SYNPO: variants seen among roughly 807,000 people sequenced by gnomAD.
SYNPO encodes synaptopodin.
SYNPO carries 19 observed loss-of-function variants against 49.5 expected under a neutral mutation model. The observed-to-expected ratio is 0.38, with a 90% confidence interval of 0.27 to 0.56. The LOEUF (loss-of-function observed/expected upper bound fraction) is 0.56, where lower values mean the gene tolerates loss of function less well. Ranked by LOEUF, SYNPO falls within the 20% of genes least tolerant of loss-of-function variation. The pLI is 0.68. For synonymous variants in SYNPO, 536 were observed against 548.0 expected, an observed-to-expected ratio of 0.98 and a Z score of 0.31; for missense variants, 1,131 against 1,248.3, an observed-to-expected ratio of 0.91 and a Z score of 1.42.
At chr5:150,652,448 AGT>A in intron 2 of SYNPO, 1 of 976,712 alleles carries the variant, frequency 1.0e-6, no homozygotes, top group Non-Finnish European at 1.2e-6. Flanking sequence ...TGTGTGTGAA[AGT>A]GTGGCTGTGT....
upstream of SYNPO, among the ~76,000 whole-genome samples, chr5:150,639,321 TC>T (rs1409320315): frequency 6.6e-6 from 1 of 152,224 alleles, no homozygotes; most frequent in African/African-American, 2.4e-5. Context: ...CCAGCCTCCT[TC>T]CCCTGGGTTT....
upstream of SYNPO, among the ~76,000 whole-genome samples, chr5:150,636,351 C>T (rs1002628579): frequency 1.3e-5 from 2 of 152,074 alleles, no homozygotes; most frequent in African/African-American, 2.4e-5. Flanking sequence ...ATCAAGGTAC[C>T]ACCTAAAATC....
intron 1 of SYNPO, among the ~76,000 whole-genome samples, chr5:150,643,530 G>T (rs368061115): frequency 6.6e-6 from 1 of 152,104 alleles, no homozygotes; most frequent in Non-Finnish European, 1.5e-5. Flanking sequence ...GAATGAAAGA[G>T]AAAACTTTTT....
rs763653110 is a variant in SYNPO, at chr5:150,649,781, G to A, written c.1506G>A (p.Thr502=). The change falls in exon 2 of 3, where the codon ACG becomes ACA. Residue 502 remains threonine, a synonymous_variant. Transcript: ENST00000307662. ...EKYVIESSSH[T]PELARCPSPT... ...ATGTCATCGAGTCTTCAAGCCACAC[G>A]CCAGAGCTGGCCCGCTGCCCATCAC... is the stretch of plus-strand genomic sequence containing the variant. The A allele has an allele frequency of 1.2e-5, 20 of 1,612,128 alleles. No homozygotes were observed. The East Asian group carries it at 2.9e-4, about 23-fold the overall frequency.
upstream of SYNPO, among the ~76,000 whole-genome samples, chr5:150,638,014 C>G (rs1419705277): frequency 6.6e-6 from 1 of 151,766 alleles, no homozygotes; most frequent in Admixed American, 6.6e-5. Flanking sequence ...CACCCCTGGC[C>G]TCTGGGCAAG....
chr5:150,603,721 A>T (rs1756613722), intron 1 of SYNPO, among the ~76,000 whole-genome samples: 1 of 152,150 alleles, frequency 6.6e-6, no homozygotes, highest in Non-Finnish European at 1.5e-5. Context: ...TGAGGCAGAG[A>T]TGCAGAGGAA....
chr5:150,599,425 G>A (rs577358511), upstream of SYNPO, among the ~76,000 whole-genome samples: 7 of 152,342 alleles, frequency 4.6e-5, no homozygotes, highest in East Asian at 1.2e-3. Context: ...ACACCCAGTG[G>A]TATGCGGTGC....
exon 2 of SYNPO, chr5:150,618,654 G>A: frequency 1.9e-6 from 3 of 1,551,294 alleles, no homozygotes; most frequent in South Asian, 2.4e-5. Flanking sequence ...GAGGAACAAG[G>A]GGCGTCCCAG....
chr5:150,620,691 A>G (rs908068913), intron 2 of SYNPO, among the ~76,000 whole-genome samples: 2 of 152,216 alleles, frequency 1.3e-5, no homozygotes, highest in African/African-American at 4.8e-5. Context: ...ACACCAAGCC[A>G]GTTCATTTGA....
At chr5:150,639,839 C>A (rs189644810), upstream of SYNPO, among the ~76,000 whole-genome samples, 10 of 152,312 alleles carry the variant, frequency 6.6e-5, no homozygotes, top group East Asian at 1.9e-3. Context: ...CAGTAGAGGC[C>A]CCTGCCCTCG....
intron 1 of SYNPO, among the ~76,000 whole-genome samples, chr5:150,603,234 G>A (rs1309034998): frequency 1.3e-5 from 2 of 152,244 alleles, no homozygotes; most frequent in East Asian, 1.9e-4. Context: ...CACCAGGATG[G>A]GTGGGTAGGC....
At chr5:150,600,946 T>G (rs1271274248), upstream of SYNPO, 1 of 152,108 alleles carries the variant, frequency 6.6e-6, no homozygotes, top group East Asian at 1.9e-4. Context: ...TCAGTATGTA[T>G]GAAATATCCC....
At chr5:150,601,662 C>T (rs1392936733) in intron 1 of SYNPO, among the ~76,000 whole-genome samples, 1 of 152,178 alleles carries the variant, frequency 6.6e-6, no homozygotes, top group Admixed American at 6.5e-5. Context: ...CTCCTGTGGC[C>T]TAAGTCCTGG....
chr5:150,621,031 C>T (rs1242812036), intron 2 of SYNPO, among the ~76,000 whole-genome samples: 5 of 148,430 alleles, frequency 3.4e-5, no homozygotes, highest in African/African-American at 7.5e-5. Flanking sequence ...CGGCTCATTG[C>T]GACCTCCGCC....
intron 1 of SYNPO, among the ~76,000 whole-genome samples, chr5:150,606,582 C>T (rs978611369): frequency 8.5e-5 from 13 of 152,226 alleles, no homozygotes; most frequent in Admixed American, 1.3e-4. Flanking sequence ...TGCTCTGCGC[C>T]GGGCATGGGG....
At chr5:150,641,868 G>A (rs1323268964) in intron 1 of SYNPO, among the ~76,000 whole-genome samples, 2 of 152,244 alleles carry the variant, frequency 1.3e-5, no homozygotes, top group African/African-American at 4.8e-5. Context: ...CACAAGATGA[G>A]GGAGCAGAGG....
chr5:150,597,301 C>T (rs975045955), upstream of SYNPO, among the ~76,000 whole-genome samples: 3 of 152,294 alleles, frequency 2.0e-5, no homozygotes, highest in Middle Eastern at 3.4e-3. Flanking sequence ...GATTGAGTGT[C>T]CACACTAAAT....
chr5:150,640,307 G>A (rs1034430584), upstream of SYNPO, among the ~76,000 whole-genome samples: 2 of 152,202 alleles, frequency 1.3e-5, no homozygotes, highest in African/African-American at 4.8e-5. Flanking sequence ...AGACAGAGGA[G>A]GGTTCCCGGT....
chr5:150,596,921 G>T (rs113521934), upstream of SYNPO, among the ~76,000 whole-genome samples: 6 of 152,334 alleles, frequency 3.9e-5, 1 homozygote, highest in African/African-American at 1.4e-4. Context: ...GCAAGGGCTG[G>T]AAAGCCTCAT....
Sources: gnomAD v4.1 joint callset for allele counts (sites outside exome capture counted in the v4.1 genomes callset) on GRCh38, gnomAD v4.1.1 for gene constraint, MANE v1.5 for transcripts, NCBI Gene and HGNC (gene_info 2026-07-23, HGNC 2026-07-21) for gene names.